Variants in INVS observed in about 807,000 individuals in gnomAD.
INVS encodes the protein inversin.
In INVS, 86 loss-of-function variants were observed where a neutral mutation model predicts 108.8. The observed-to-expected ratio is 0.79, with a 90% CI of 0.66 to 0.95. The LOEUF (loss-of-function observed/expected upper bound fraction) is 0.95, where lower values mean the gene tolerates loss of function less well. Among genes scored for constraint, INVS ranks in the 40% least tolerant of loss-of-function variants. The pLI is 0.00. For synonymous variants in INVS, 455 were observed against 473.5 expected (o/e 0.96, Z 0.51); for missense variants, 1,169 against 1,297.4 (o/e 0.90, Z 1.52).
At chr9:100,300,464 G>A (rs574939630) in intron 16 of INVS, 104 bp from the exon 17 acceptor site, 213 of 777,626 alleles carry the variant, frequency 2.7e-4, no homozygotes, top group Non-Finnish European at 4.3e-4. Flanking sequence ...CATCATCCCA[G>A]GGATAGCCTA....
intron 3 of INVS, among the ~76,000 whole-genome samples, chr9:100,225,526 A>G (rs951206713): frequency 2.4e-4 from 37 of 152,230 alleles, no homozygotes; most frequent in Non-Finnish European, 1.5e-5. Context: ...CTTATTTCGC[A>G]TTATTACACT....
chr9:100,188,209 C>T (rs1462907677), intron 3 of INVS, among the ~76,000 whole-genome samples: 8 of 152,098 alleles, frequency 5.3e-5, no homozygotes, highest in Non-Finnish European at 1.2e-4. Flanking sequence ...ACTTCCAGTA[C>T]TATGCTGAAT....
chr9:100,239,503 T>C (rs1184033421), intron 5 of INVS, among the ~76,000 whole-genome samples: 3 of 152,192 alleles, frequency 2.0e-5, no homozygotes, highest in African/African-American at 7.2e-5. Context: ...TCAGGCAAAA[T>C]GTTGACACCT....
At chr9:100,107,647 C>T (rs1011682461) in intron 2 of INVS, among the ~76,000 whole-genome samples, 22 of 152,204 alleles carry the variant, frequency 1.4e-4, no homozygotes, top group African/African-American at 4.3e-4. Flanking sequence ...AAGGTCACTT[C>T]TTCAAAGAGG....
chr9:100,103,536 G>A (rs1259620141), intron 1 of INVS, among the ~76,000 whole-genome samples: 1 of 151,982 alleles, frequency 6.6e-6, no homozygotes, highest in Non-Finnish European at 1.5e-5. Context: ...GCTGAGGCAG[G>A]AGACTTGCTT....
At chr9:100,285,931 A>C (rs1318135435) in intron 13 of INVS, among the ~76,000 whole-genome samples, 1 of 152,228 alleles carries the variant, frequency 6.6e-6, no homozygotes, top group Non-Finnish European at 1.5e-5. Context: ...CCCAAAATCT[A>C]AGTGCAAATG....
Position 100,151,484 on chromosome 9 carries a change from AT to A in INVS, c.273+24936del, listed in dbSNP as rs1828806452. ...ACAGAGTGAGACCCTGTCTAAAAAAATAATAATAAATATATATATACCTTAT... is the reference window on the plus strand; with the variant it reads ...ACAGAGTGAGACCCTGTCTAAAAAAAAATAATAAATATATATATACCTTAT... On this transcript the variant is annotated intron_variant, in intron 3 of 16. Transcript: ENST00000262457. Among the ~76,000 whole-genome samples, 3 of 152,052 alleles carry A rather than the reference AT, an allele frequency of 2.0e-5. No individual in the cohort carries two copies. In the South Asian group the frequency reaches 6.2e-4, roughly 31 times the overall value.
intron 3 of INVS, among the ~76,000 whole-genome samples, chr9:100,157,291 G>A (rs1325030708): frequency 1.0e-5 from 1 of 98,032 alleles, no homozygotes; most frequent in African/African-American, 9.3e-5. Context: ...TTGAGGCAGA[G>A]TCTCACACTG....
intron 3 of INVS, among the ~76,000 whole-genome samples, chr9:100,147,560 A>G (rs1828658914): frequency 6.6e-6 from 1 of 152,186 alleles, no homozygotes; most frequent in South Asian, 2.1e-4. Context: ...TAAATTGCAA[A>G]TGCATATACC....
intron 3 of INVS, among the ~76,000 whole-genome samples, chr9:100,164,431 T>A (rs1054618621): frequency 4.6e-5 from 7 of 152,154 alleles, no homozygotes; most frequent in African/African-American, 4.8e-5. Flanking sequence ...CCTCATTTTT[T>A]AAAATGTTTT....
At chr9:100,171,240 T>G (rs2119039801) in intron 3 of INVS, among the ~76,000 whole-genome samples, 1 of 152,352 alleles carries the variant, frequency 6.6e-6, no homozygotes, top group East Asian at 1.9e-4. Context: ...ATATTTTTAC[T>G]GTATTTTTTC....
intron 3 of INVS, among the ~76,000 whole-genome samples, chr9:100,199,913 G>C (rs1588083800): frequency 6.6e-6 from 1 of 152,102 alleles, no homozygotes; most frequent in East Asian, 1.9e-4. Flanking sequence ...CTCTTCTTCT[G>C]TGACACCAAT....
chr9:100,255,923 C>T (rs528367480), intron 10 of INVS, among the ~76,000 whole-genome samples: 1 of 152,288 alleles, frequency 6.6e-6, no homozygotes, highest in South Asian at 2.1e-4. Context: ...ATGATGCTGG[C>T]CTCATAAAAT....
chr9:100,153,236 C>T (rs1467467531), intron 3 of INVS, among the ~76,000 whole-genome samples: 1 of 144,892 alleles, frequency 6.9e-6, no homozygotes, highest in Non-Finnish European at 1.5e-5. Context: ...AAGACTTTTT[C>T]CTTCCAGAAA....
chr9:100,188,635 C>CTTTTTTTT (rs11309021), intron 3 of INVS, among the ~76,000 whole-genome samples: 2 of 128,266 alleles, frequency 1.6e-5, no homozygotes, highest in Non-Finnish European at 3.4e-5. Flanking sequence ...TAGTTTCTTT[C>CTTTTTTTT]TTTTTTTTTT....
chr9:100,121,796 T>A (rs1187424051), intron 2 of INVS, among the ~76,000 whole-genome samples: 1 of 152,092 alleles, frequency 6.6e-6, no homozygotes, highest in Non-Finnish European at 1.5e-5. Context: ...GCATAGATAA[T>A]TGATTTGAAA....
chr9:100,158,725 A>C (rs1250050005), intron 3 of INVS, among the ~76,000 whole-genome samples: 1 of 152,178 alleles, frequency 6.6e-6, no homozygotes, highest in Non-Finnish European at 1.5e-5. Flanking sequence ...TATTTATGCT[A>C]TAGTTTGAAT....
chr9:100,265,598 G>C (rs1292212769), intron 11 of INVS, among the ~76,000 whole-genome samples: 2 of 152,206 alleles, frequency 1.3e-5, no homozygotes, highest in African/African-American at 4.8e-5. Context: ...ATATATTCCA[G>C]AGATTTCTCT....
At chr9:100,201,726 A>C (rs1830537913) in intron 3 of INVS, among the ~76,000 whole-genome samples, 2 of 152,238 alleles carry the variant, frequency 1.3e-5, no homozygotes, top group Admixed American at 1.3e-4. Flanking sequence ...CCTTTACACT[A>C]AACTGGAAAG....
Sources: gnomAD v4.1 joint callset for allele counts (sites outside exome capture counted in the v4.1 genomes callset) on GRCh38, gnomAD v4.1.1 for gene constraint, MANE v1.5 for transcripts, NCBI Gene and HGNC (gene_info 2026-07-23, HGNC 2026-07-21) for gene names.